MTR: variants seen among roughly 807,000 people sequenced by gnomAD.
The protein encoded by MTR is 5-methyltetrahydrofolate-homocysteine methyltransferase, also known as methionine synthase.
MTR carries 84 observed loss-of-function variants against 154.8 expected under a neutral mutation model. The ratio of observed to expected loss-of-function variants is 0.54; its 90% CI spans 0.45 to 0.65. The LOEUF (loss-of-function observed/expected upper bound fraction) is 0.65. Ranked by LOEUF, MTR falls within the 30% of genes least tolerant of loss-of-function variation. MTR has a pLI of 0.00. For missense variants in MTR, 1,275 were observed against 1,570.2 expected, an observed-to-expected ratio of 0.81 and a Z score of 3.18; for synonymous variants, 554 against 553.9, an observed-to-expected ratio of 1.00 and a Z score of 0.00.
At chr1:236,847,847 C>T (rs181101768) in intron 15 of MTR, among the ~76,000 whole-genome samples, 30 of 152,308 alleles carry the variant, frequency 2.0e-4, no homozygotes, top group Admixed American at 1.5e-3. Flanking sequence ...GCTGCCATTC[C>T]GTTGTTTTAC....
intron 16 of MTR, among the ~76,000 whole-genome samples, chr1:236,851,321 T>C (rs1438940947): frequency 6.6e-6 from 1 of 152,194 alleles, no homozygotes; most frequent in African/African-American, 2.4e-5. Flanking sequence ...TTTCACACTT[T>C]TATGCGTTTT....
At position 236,803,579 on chromosome 1, in the gene MTR, G is replaced by T. The variant is rs753847712; in HGVS notation, c.186G>T (p.Pro62=). Residue 62 remains proline, a synonymous_variant, in exon 2 of 33, where the codon CCG becomes CCT. Transcript: ENST00000366577. Reference sequence around the variant, plus strand: ...AGGAATTTAAAGATCATGCCAGGCCGCTGAAAGGCAACAATGACATTTTAA... The same window carrying T: ...AGGAATTTAAAGATCATGCCAGGCCTCTGAAAGGCAACAATGACATTTTAA... ...RGQEFKDHAR[P]LKGNNDILSI... 3 of 1,614,132 alleles carry T rather than the reference G, an allele frequency of 1.9e-6. No individual in the cohort carries two copies. Among genetic ancestry groups the T allele is most frequent in the Non-Finnish European group, 2.5e-6 (3 of 1,180,010 alleles).
chr1:236,867,086 G>A (rs896148440), intron 22 of MTR, among the ~76,000 whole-genome samples: 6 of 152,198 alleles, frequency 3.9e-5, no homozygotes, highest in African/African-American at 1.4e-4. Flanking sequence ...GGTTTTCAAT[G>A]TAGATGAAAT....
chr1:236,797,418 TTAAC>T (rs1226980039), intron 1 of MTR, among the ~76,000 whole-genome samples: 1 of 152,142 alleles, frequency 6.6e-6, no homozygotes, highest in African/African-American at 2.4e-5. Context: ...GGAGAAAATT[TTAAC>T]TACAGCTTCT....
At chr1:236,884,537 G>T (rs1487362003) in intron 25 of MTR, among the ~76,000 whole-genome samples, 1 of 152,164 alleles carries the variant, frequency 6.6e-6, no homozygotes, top group Non-Finnish European at 1.5e-5. Context: ...GAATGCAGGA[G>T]AGACCAGGTA....
At chr1:236,896,438 G>A (rs1054603088) in intron 31 of MTR, among the ~76,000 whole-genome samples, 6 of 152,210 alleles carry the variant, frequency 3.9e-5, no homozygotes, top group African/African-American at 9.7e-5. Flanking sequence ...CTAGCTGGGC[G>A]ACCTCTGGCA....
At chr1:236,893,688 T>C (rs546447865) in intron 29 of MTR, among the ~76,000 whole-genome samples, 1 of 152,236 alleles carries the variant, frequency 6.6e-6, no homozygotes, top group Non-Finnish European at 1.5e-5. Flanking sequence ...TTACCTTAGT[T>C]GCAGGGAAGA....
In MTR at chr1:236,795,694, A is replaced by G; in HGVS notation, c.-10A>G. 1 of 1,613,940 alleles carries G rather than the reference A, an allele frequency of 6.2e-7. No homozygotes were observed. The highest frequency in any genetic ancestry group is 1.1e-5 in the South Asian group (1 of 91,076). On this transcript the variant is annotated 5_prime_UTR_variant, in exon 1 of 33. Transcript: ENST00000366577. ...GCCGCGCCCTCTGCGCAAGGAGGAGACTCGACAACATGTCACCCGCGCTCC... is the reference window on the plus strand; with the variant it reads ...GCCGCGCCCTCTGCGCAAGGAGGAGGCTCGACAACATGTCACCCGCGCTCC...
rs1163100005 is a variant in MTR at position 236,806,127 on chromosome 1, A to G, written c.250-17A>G. 6.2e-7 allele frequency: 1 copy of G among 1,607,878 alleles called. No individual in the cohort carries two copies. The highest frequency in any genetic ancestry group is 1.3e-5 in the African/African-American group (1 of 74,910). On this transcript the variant is annotated splice_polypyrimidine_tract_variant and intron_variant, in intron 2 of 32. Transcript: ENST00000366577. ...AACTCTAAAGCTCATAATTGACATT[A>G]TAATCTCTTGTTGCAGGAATACTTG...
intron 8 of MTR, among the ~76,000 whole-genome samples, chr1:236,822,051 G>A (rs773582376): frequency 6.9e-4 from 105 of 151,950 alleles, no homozygotes; most frequent in Admixed American, 1.2e-3. Flanking sequence ...CTTTTGTCTC[G>A]CCATATAAAC....
intron 5 of MTR, among the ~76,000 whole-genome samples, chr1:236,812,536 G>A (rs1015165139): frequency 2.6e-5 from 4 of 152,220 alleles, no homozygotes; most frequent in Non-Finnish European, 4.4e-5. Context: ...CAGGTGTTTA[G>A]GAACAGCTGC....
chr1:236,813,938 G>A (rs571577194), intron 6 of MTR, among the ~76,000 whole-genome samples: 2 of 151,844 alleles, frequency 1.3e-5, no homozygotes, highest in Admixed American at 6.6e-5. Flanking sequence ...TTGTGGGAGG[G>A]GGAGACTACA....
At chr1:236,894,877 A>G (rs1057207518) in intron 30 of MTR, 9 of 401,192 alleles carry the variant, frequency 2.2e-5, no homozygotes, top group Non-Finnish European at 4.1e-5. Context: ...AGTACCCCAA[A>G]AAATTAAAAA....
At chr1:236,850,323 A>G (rs764596438) in intron 15 of MTR, 21 bp from the exon 16 acceptor site, 18 of 1,591,194 alleles carry the variant, frequency 1.1e-5, no homozygotes, top group Non-Finnish European at 1.5e-5. Flanking sequence ...TTCAAACTAC[A>G]TCTTTTGCTC....
chr1:236,866,452 G>A (rs960881672), intron 22 of MTR, among the ~76,000 whole-genome samples: 6 of 151,982 alleles, frequency 3.9e-5, no homozygotes, highest in African/African-American at 1.5e-4. Context: ...GGCCTCCATA[G>A]TCCCTGAGAC....
Position 236,795,702 on chromosome 1 carries a change from A to G in MTR, c.-2A>G, listed in dbSNP as rs973037018. The G allele has an allele frequency of 6.2e-7, 1 of 1,614,160 alleles. No homozygotes were observed. Among genetic ancestry groups the G allele is most frequent in the Non-Finnish European group, 8.5e-7 (1 of 1,180,018 alleles). On this transcript the variant is annotated 5_prime_UTR_variant, in exon 1 of 33. Coordinates refer to ENST00000366577, the MANE Select transcript of MTR (RefSeq NM_000254.3). The stretch of plus-strand genomic sequence containing the variant: ...CTCTGCGCAAGGAGGAGACTCGACA[A>G]CATGTCACCCGCGCTCCAAGACCTG...
chr1:236,831,436 AG>A (rs1662605728), intron 12 of MTR, among the ~76,000 whole-genome samples: 2 of 152,220 alleles, frequency 1.3e-5, no homozygotes, highest in Admixed American at 1.3e-4. Context: ...CCTGTCTCTC[AG>A]GTCTCAACCT....
chr1:236,867,907 A>T (rs1047962289), intron 22 of MTR, among the ~76,000 whole-genome samples: 11 of 152,238 alleles, frequency 7.2e-5, no homozygotes, highest in African/African-American at 2.7e-4. Flanking sequence ...AAGGCTGAGC[A>T]AAGAAAGTAG....
At position 236,859,833 on chromosome 1, in the gene MTR, A is replaced by T; in HGVS notation, c.1954A>T (p.Thr652Ser). Residue 652 changes from threonine (T) to serine (S), a missense_variant and splice_region_variant, in exon 19 of 33, where the codon ACT becomes TCT. Coordinates refer to ENST00000366577, the MANE Select transcript of MTR (RefSeq NM_000254.3). ...ATEKLLRYAQ[T>S]QGTGGKKVIQ... is the part of the protein sequence containing the mutation. Reference sequence around the variant, plus strand: ...TTTCTTGGTTTCAATTTCAATTCAGACTCAAGGCACAGGAGGGAAGAAAGT... The same window carrying T: ...TTTCTTGGTTTCAATTTCAATTCAGTCTCAAGGCACAGGAGGGAAGAAAGT... 6.2e-7 allele frequency: 1 copy of T among 1,613,462 alleles called. No homozygotes were observed. Among genetic ancestry groups the T allele is most frequent in the Non-Finnish European group, 8.5e-7 (1 of 1,179,468 alleles).
Sources: gnomAD v4.1 joint callset for allele counts (sites outside exome capture counted in the v4.1 genomes callset) on GRCh38, gnomAD v4.1.1 for gene constraint, MANE v1.5 for transcripts, NCBI Gene and HGNC (gene_info 2026-07-23, HGNC 2026-07-21) for gene names.